Variants in SLC71A1 observed in about 807,000 individuals in gnomAD.
SLC71A1 encodes solute carrier family 71 member 1.
At chr1:100,081,878 T>C in the SLC71A1 span, 1 of 711,972 alleles carries the variant, frequency 1.4e-6, no homozygotes, top group Non-Finnish European at 2.3e-6. Flanking sequence ...CTTTTATAAT[T>C]ATGGCTTTAA....
chr1:100,065,502 C>T, the SLC71A1 span, among the ~76,000 whole-genome samples: 1 of 146,910 alleles, frequency 6.8e-6, no homozygotes, highest in Non-Finnish European at 1.5e-5. Flanking sequence ...CCTCCCCTCC[C>T]CTTTCCACTT....
At chr1:100,049,805 A>G in the SLC71A1 span, 3 of 640,732 alleles carry the variant, frequency 4.7e-6, no homozygotes, top group South Asian at 2.0e-5. Flanking sequence ...CAGTACATAT[A>G]TGATCTTAAT....
At chr1:100,078,221 T>C in the SLC71A1 span, among the ~76,000 whole-genome samples, 2 of 152,232 alleles carry the variant, frequency 1.3e-5, no homozygotes. Context: ...GTTTGGAACA[T>C]GATATCCCTA....
At chr1:100,074,867 T>TC in the SLC71A1 span, among the ~76,000 whole-genome samples, 2 of 152,014 alleles carry the variant, frequency 1.3e-5, no homozygotes, top group Non-Finnish European at 2.9e-5. Flanking sequence ...AGAGCGAGAC[T>TC]CCGTCTCAAA....
At chr1:100,045,123 C>T in the SLC71A1 span, among the ~76,000 whole-genome samples, 1 of 152,158 alleles carries the variant, frequency 6.6e-6, no homozygotes, top group Non-Finnish European at 1.5e-5. Context: ...TTGATTCTTC[C>T]CTTCCATGAA....
chr1:100,061,901 C>T, the SLC71A1 span: 6 of 1,613,306 alleles, frequency 3.7e-6, no homozygotes, highest in East Asian at 6.7e-5. Context: ...TATTTGCATA[C>T]GTAGCAGATA....
chr1:100,038,790 G>C, the SLC71A1 span, among the ~76,000 whole-genome samples: 6 of 152,198 alleles, frequency 3.9e-5, no homozygotes, highest in East Asian at 1.2e-3. Context: ...CGGGGATCCC[G>C]CTGCGGCCCC....
chr1:100,048,257 C>A, the SLC71A1 span, among the ~76,000 whole-genome samples: 1 of 151,932 alleles, frequency 6.6e-6, no homozygotes. Context: ...CAACTCACTG[C>A]AACCTCTGCC....
chr1:100,038,164 C>G, the SLC71A1 span: 1 of 1,362,932 alleles, frequency 7.3e-7, no homozygotes, highest in Non-Finnish European at 1.0e-6. Context: ...AGTGGTGGGA[C>G]GGCACTAGCT....
chr1:100,060,695 A>T, the SLC71A1 span, among the ~76,000 whole-genome samples: 310 of 152,034 alleles, frequency 2.0e-3, 2 homozygotes, highest in African/African-American at 6.9e-3. Flanking sequence ...TTTCAGGGAT[A>T]TGCTGCTCCT....
the SLC71A1 span, chr1:100,078,431 T>A: frequency 1.3e-6 from 2 of 1,532,360 alleles, no homozygotes; most frequent in Non-Finnish European, 1.8e-6. Flanking sequence ...ACTGTTTTTG[T>A]TTTGCTGCTC....
the SLC71A1 span, chr1:100,082,182 A>G: frequency 6.2e-7 from 1 of 1,614,080 alleles, no homozygotes; most frequent in Non-Finnish European, 8.5e-7. Flanking sequence ...AGGCCAAAGA[A>G]CCTTTACTCC....
At chr1:100,063,931 C>T in the SLC71A1 span, among the ~76,000 whole-genome samples, 1 of 152,160 alleles carries the variant, frequency 6.6e-6, no homozygotes, top group African/African-American at 2.4e-5. Context: ...CACTGTGTCA[C>T]AAATGTGATC....
At chr1:100,044,812 A>G in the SLC71A1 span, among the ~76,000 whole-genome samples, 7 of 151,966 alleles carry the variant, frequency 4.6e-5, no homozygotes, top group East Asian at 1.9e-4. Context: ...CTAGGCGGCT[A>G]TAAGTATTTT....
At chr1:100,070,603 G>C in the SLC71A1 span, among the ~76,000 whole-genome samples, 1 of 152,096 alleles carries the variant, frequency 6.6e-6, no homozygotes, top group Admixed American at 6.6e-5. Context: ...ATTTTCTGAG[G>C]AGATATTTCA....
chr1:100,061,993 C>T, the SLC71A1 span: 1 of 1,143,118 alleles, frequency 8.7e-7, no homozygotes, highest in African/African-American at 1.5e-5. Flanking sequence ...CTGAGAAATG[C>T]CTTGTTTTTA....
the SLC71A1 span, chr1:100,059,926 GT>G: frequency 6.2e-7 from 1 of 1,612,898 alleles, no homozygotes; most frequent in Non-Finnish European, 8.5e-7. Flanking sequence ...TCTTTCTGAT[GT>G]TTGGGGCCGA....
At chr1:100,056,250 T>G in the SLC71A1 span, among the ~76,000 whole-genome samples, 1 of 152,230 alleles carries the variant, frequency 6.6e-6, no homozygotes, top group Non-Finnish European at 1.5e-5. Context: ...CTCTCACAAA[T>G]AATTGAGAAC....
chr1:100,056,603 T>C, the SLC71A1 span, among the ~76,000 whole-genome samples: 2 of 152,130 alleles, frequency 1.3e-5, no homozygotes, highest in East Asian at 3.9e-4. Flanking sequence ...AGAGCCCAAC[T>C]CCGTCTCAAA....
Sources: gnomAD v4.1 joint callset for allele counts (sites outside exome capture counted in the v4.1 genomes callset) on GRCh38, gnomAD v4.1.1 for gene constraint, MANE v1.5 for transcripts, NCBI Gene and HGNC (gene_info 2026-07-23, HGNC 2026-07-21) for gene names.